SLC16A12: variants seen among roughly 807,000 people sequenced by gnomAD.
SLC16A12 encodes monocarboxylate transporter 12.
SLC16A12 carries 17 observed loss-of-function variants against 42.4 expected under a neutral mutation model. That is an observed-to-expected ratio of 0.40 (90% CI 0.27 to 0.60). The LOEUF (loss-of-function observed/expected upper bound fraction) is 0.60. Ranked by LOEUF, SLC16A12 falls within the 20% of genes least tolerant of loss-of-function variation. The pLI is 0.42. For missense variants in SLC16A12, 544 were observed against 623.0 expected (o/e 0.87, Z 1.35); for synonymous variants, 224 against 229.4 (o/e 0.98, Z 0.21).
chr10:89,480,529 A>C (rs1263182470), intron 2 of SLC16A12, among the ~76,000 whole-genome samples: 2 of 152,210 alleles, frequency 1.3e-5, no homozygotes, highest in Non-Finnish European at 1.5e-5. Flanking sequence ...TAATTTTCCA[A>C]ACTAAAAAGT....
At chr10:89,466,752 TCCCTGATAGAGTA>T (rs530500084) in intron 2 of SLC16A12, among the ~76,000 whole-genome samples, 131 of 152,216 alleles carry the variant, frequency 8.6e-4, no homozygotes, top group Non-Finnish European at 1.2e-3. Flanking sequence ...CTTTACCCTA[TCCCTGATAGAGTA>T]CCCTGATAGG....
intron 3 of SLC16A12, among the ~76,000 whole-genome samples, chr10:89,445,553 C>G (rs1355359297): frequency 6.6e-6 from 1 of 152,210 alleles, no homozygotes; most frequent in Non-Finnish European, 1.5e-5. Flanking sequence ...AAACGAATAA[C>G]ATCAACGTCA....
upstream of SLC16A12, among the ~76,000 whole-genome samples, chr10:89,536,800 A>G (rs563697179): frequency 1.4e-4 from 22 of 152,260 alleles, no homozygotes; most frequent in African/African-American, 5.3e-4. Flanking sequence ...ATTTCGCTGT[A>G]TGTCAAAATT....
intron 7 of SLC16A12, among the ~76,000 whole-genome samples, chr10:89,435,856 A>G (rs748922038): frequency 2.6e-5 from 4 of 152,184 alleles, no homozygotes; most frequent in Non-Finnish European, 4.4e-5. Context: ...AGGTAGGCTA[A>G]GGTTCTTACT....
intron 2 of SLC16A12, among the ~76,000 whole-genome samples, chr10:89,506,119 C>A (rs1843057578): frequency 6.6e-6 from 1 of 152,188 alleles, no homozygotes; most frequent in Non-Finnish European, 1.5e-5. Flanking sequence ...GACAGAGAAC[C>A]TGGGGGAAGG....
intron 2 of SLC16A12, among the ~76,000 whole-genome samples, chr10:89,519,840 T>C (rs1843322537): frequency 6.6e-6 from 1 of 151,952 alleles, no homozygotes; most frequent in Admixed American, 6.5e-5. Flanking sequence ...AAAGGCCGGG[T>C]GCGGTGGCTC....
chr10:89,495,090 C>A (rs1053096245), intron 2 of SLC16A12, among the ~76,000 whole-genome samples: 1 of 152,072 alleles, frequency 6.6e-6, no homozygotes, highest in African/African-American at 2.4e-5. Context: ...GGCTCATGCC[C>A]CTGTAATCCC....
At chr10:89,546,663 C>T (rs1843744075) in intron 2 of SLC16A12, among the ~76,000 whole-genome samples, 1 of 152,110 alleles carries the variant, frequency 6.6e-6, no homozygotes, top group South Asian at 2.1e-4. Flanking sequence ...TATCATTTGA[C>T]CCAGCAATCC....
Position 89,446,106 on chromosome 10 carries a change from G to A in SLC16A12, c.201-2247C>T, listed in dbSNP as rs571738311. The stretch of plus-strand genomic sequence containing the variant: ...AAGCCTCCAAGAAATATGGGACTAT[G>A]TGAAAAGACCAAATCTACATTTGAT... On this transcript the variant is annotated intron_variant, in intron 3 of 7. Transcript: ENST00000371790. Among the ~76,000 whole-genome samples, 8 of 152,326 alleles carry A rather than the reference G, an allele frequency of 5.3e-5. No homozygotes were observed. The South Asian group carries it at 1.7e-3, about 32-fold the overall frequency.
At chr10:89,504,311 T>C (rs943215616) in intron 2 of SLC16A12, among the ~76,000 whole-genome samples, 1 of 152,230 alleles carries the variant, frequency 6.6e-6, no homozygotes, top group African/African-American at 2.4e-5. Flanking sequence ...CATTAACTAG[T>C]TGGAAAGAGG....
chr10:89,443,309 G>A (rs928881963), intron 4 of SLC16A12, among the ~76,000 whole-genome samples: 2 of 152,198 alleles, frequency 1.3e-5, no homozygotes, highest in South Asian at 2.1e-4. Context: ...GACTTGAGAT[G>A]TGATACAACA....
In SLC16A12 at chr10:89,498,821, C is replaced by T. The variant is rs188977176; in HGVS notation, c.-47+35680G>A. On this transcript the variant is annotated intron_variant, in intron 2 of 7. Transcript: ENST00000371790. ...CATCATAGGCCTCTGTGCAGACAACCCCCTGTACCAGCCCGGAGCCTGGCA... is the reference window on the plus strand; with the variant it reads ...CATCATAGGCCTCTGTGCAGACAACTCCCTGTACCAGCCCGGAGCCTGGCA... 2.0e-3 allele frequency among the ~76,000 whole-genome samples: 308 copies of T among 152,250 alleles called. 1 individual carries two copies. Among genetic ancestry groups the T allele is most frequent in the African/African-American group, 7.0e-3 (291 of 41,550 alleles).
In SLC16A12 at chr10:89,486,602, AAAAAGAAAGAAAGAAAGAAAG is replaced by A. The variant is rs1445517658; in HGVS notation, c.-46-23999_-46-23979del. On this transcript the variant is annotated intron_variant, in intron 2 of 7. Transcript: ENST00000371790. ...GTGAAACCTTGTCTCAAAAAAAAAA[AAAAAGAAAGAAAGAAAGAAAG>A]AAAGAAAGAAAGAAAGAAAGAAAGA... Among the ~76,000 whole-genome samples the A allele has an allele frequency of 1.1e-3, 129 of 116,108 alleles. 1 individual carries two copies. Among genetic ancestry groups the A allele is most frequent in the African/African-American group, 2.3e-3 (69 of 30,292 alleles). 76.2% of individuals were successfully genotyped at this position (116,108 alleles called of 152,430 possible).
chr10:89,533,104 G>T (rs1843584779), intron 2 of SLC16A12, among the ~76,000 whole-genome samples: 1 of 151,700 alleles, frequency 6.6e-6, no homozygotes, highest in African/African-American at 2.4e-5. Context: ...TAAAATGTCA[G>T]CTCATAAAAG....
chr10:89,555,606 C>CGT (rs1843809218), intron 2 of SLC16A12, among the ~76,000 whole-genome samples: 1 of 136,412 alleles, frequency 7.3e-6, no homozygotes, highest in Non-Finnish European at 1.6e-5. Context: ...CACATATATA[C>CGT]ATATATATAC....
intron 2 of SLC16A12, among the ~76,000 whole-genome samples, chr10:89,508,795 G>T (rs530680999): frequency 8.5e-5 from 13 of 152,268 alleles, no homozygotes; most frequent in African/African-American, 2.9e-4. Flanking sequence ...GCAGGAGCTG[G>T]TTTTTTGAAA....
intron 3 of SLC16A12, among the ~76,000 whole-genome samples, chr10:89,447,808 A>C: frequency 6.6e-6 from 1 of 152,208 alleles, no homozygotes; most frequent in African/African-American, 2.4e-5. Flanking sequence ...CAAAAAATCA[A>C]TGAATTCAGG....
At chr10:89,482,657 G>A (rs900548762) in intron 2 of SLC16A12, among the ~76,000 whole-genome samples, 1 of 151,962 alleles carries the variant, frequency 6.6e-6, no homozygotes, top group Non-Finnish European at 1.5e-5. Context: ...AGTGGCGTGG[G>A]CCTGTAGTCC....
intron 3 of SLC16A12, among the ~76,000 whole-genome samples, chr10:89,446,583 T>C (rs2133704251): frequency 6.6e-6 from 1 of 152,292 alleles, no homozygotes; most frequent in Middle Eastern, 3.4e-3. Flanking sequence ...CCACCAAGCC[T>C]ACCTTACAAG....
Sources: allele counts gnomAD v4.1 joint callset (sites outside exome capture counted in the v4.1 genomes callset), GRCh38; gene constraint gnomAD v4.1.1; transcripts MANE v1.5; gene names NCBI Gene and HGNC (gene_info 2026-07-23, HGNC 2026-07-21).